Variants in RNF180 observed in about 807,000 individuals in gnomAD.
RNF180 encodes E3 ubiquitin-protein ligase RNF180.
Under a neutral mutation model 59.2 loss-of-function variants are expected in RNF180, and 38 were observed. That is an observed-to-expected ratio of 0.64 (90% CI 0.50 to 0.84). The LOEUF is 0.84. Among genes scored for constraint, RNF180 ranks in the 40% least tolerant of loss-of-function variants. The pLI, the probability that RNF180 is intolerant of heterozygous loss-of-function variation, is 0.00. For synonymous variants in RNF180, 262 were observed against 240.3 expected (o/e 1.09, Z -0.84); for missense variants, 705 against 700.9 (o/e 1.01, Z -0.07).
chr5:64,185,484 A>G (rs1397001941), intron 1 of RNF180, among the ~76,000 whole-genome samples: 1 of 152,238 alleles, frequency 6.6e-6, no homozygotes, highest in Non-Finnish European at 1.5e-5. Flanking sequence ...TGATTCAACC[A>G]GAAGCATATG....
chr5:64,177,329 C>T (rs1281882656), intron 1 of RNF180, among the ~76,000 whole-genome samples: 1 of 151,612 alleles, frequency 6.6e-6, no homozygotes, highest in Non-Finnish European at 1.5e-5. Flanking sequence ...TATTTAAATC[C>T]CCTCTATACT....
chr5:64,253,653 C>A (rs1363289456), intron 5 of RNF180, among the ~76,000 whole-genome samples: 1 of 152,034 alleles, frequency 6.6e-6, no homozygotes, highest in Non-Finnish European at 1.5e-5. Context: ...GTTTTATGCA[C>A]AGGCAAAACT....
chr5:64,368,630 C>T lies in RNF180; in HGVS notation c.1580-985C>T, dbSNP rs190730649. ...AATTTACAAGAAAAAAACAAACAAC[C>T]CCATCAAAAATGGGCAAAGGATATG... On this transcript the variant is annotated intron_variant, in intron 7 of 7. Transcript: ENST00000389100. 3.4e-3 allele frequency among the ~76,000 whole-genome samples: 512 copies of T among 152,028 alleles called. 6 individuals carry two copies. Among genetic ancestry groups the T allele is most frequent in the African/African-American group, 0.012 (489 of 41,510 alleles).
Position 64,273,037 on chromosome 5 carries a change from T to C in RNF180, c.1228-52149T>C, listed in dbSNP as rs192761096. On this transcript the variant is annotated intron_variant, in intron 5 of 7. Coordinates refer to ENST00000389100, the MANE Select transcript of RNF180 (RefSeq NM_001113561.2). ...TGACAGAAGCTGTAGGTCCATTGCC[T>C]AGGGTAAAGAAGCCAGCCAAAACCC... Among the ~76,000 whole-genome samples the C allele has an allele frequency of 2.0e-4, 30 of 151,964 alleles. No individual in the cohort carries two copies. The East Asian group carries it at 4.1e-3, about 21-fold the overall frequency.
At chr5:64,288,993 C>T (rs929726334) in intron 5 of RNF180, among the ~76,000 whole-genome samples, 4 of 152,122 alleles carry the variant, frequency 2.6e-5, no homozygotes, top group Admixed American at 2.0e-4. Context: ...ATGCTTCCAG[C>T]TTTTGCCCAT....
chr5:64,254,718 A>G (rs770972603), intron 5 of RNF180, among the ~76,000 whole-genome samples: 2 of 152,196 alleles, frequency 1.3e-5, no homozygotes, highest in Non-Finnish European at 2.9e-5. Context: ...ATTATAGAGT[A>G]GGCGAAGCTT....
chr5:64,192,925 AT>A (rs2112012986), intron 1 of RNF180, among the ~76,000 whole-genome samples: 1 of 141,200 alleles, frequency 7.1e-6, no homozygotes, highest in African/African-American at 2.7e-5. Flanking sequence ...ATATATATAT[AT>A]ATATATATAT....
chr5:64,259,769 A>G (rs763603563), intron 5 of RNF180, among the ~76,000 whole-genome samples: 1 of 152,056 alleles, frequency 6.6e-6, no homozygotes, highest in Non-Finnish European at 1.5e-5. Context: ...CTAAAATACA[A>G]AATTAGCCGG....
chr5:64,238,797 G>A lies in RNF180; in HGVS notation c.1227+21401G>A, dbSNP rs551072947. Among the ~76,000 whole-genome samples, 28 of 152,228 alleles carry A rather than the reference G, an allele frequency of 1.8e-4. No homozygotes were observed. In the South Asian group the frequency reaches 5.4e-3, roughly 29 times the overall value. On this transcript the variant is annotated intron_variant, in intron 5 of 7. Coordinates refer to ENST00000389100, the MANE Select transcript of RNF180 (RefSeq NM_001113561.2). Reference sequence around the variant, plus strand: ...TTTCTATAGATTACCTTTACACGCTGTTGATTGTTTTCTTTGCCGTATAGA... The same window carrying A: ...TTTCTATAGATTACCTTTACACGCTATTGATTGTTTTCTTTGCCGTATAGA...
At chr5:64,173,757 C>T (rs541328765) in intron 1 of RNF180, among the ~76,000 whole-genome samples, 1 of 151,452 alleles carries the variant, frequency 6.6e-6, no homozygotes, top group Admixed American at 6.6e-5. Flanking sequence ...ATTCTGTCAC[C>T]CAGGCTTGAG....
chr5:64,317,580 A>T (rs1390015149), intron 5 of RNF180, among the ~76,000 whole-genome samples: 1 of 144,440 alleles, frequency 6.9e-6, no homozygotes, highest in Non-Finnish European at 1.5e-5. Context: ...ATATATACAC[A>T]TATATATACA....
At chr5:64,319,545 A>G (rs1187778583) in intron 5 of RNF180, among the ~76,000 whole-genome samples, 2 of 152,236 alleles carry the variant, frequency 1.3e-5, no homozygotes, top group Non-Finnish European at 2.9e-5. Flanking sequence ...TGCCTTTTCT[A>G]TAAACTTGAA....
chr5:64,294,510 CT>C (rs1013189572), intron 5 of RNF180, among the ~76,000 whole-genome samples: 4 of 152,234 alleles, frequency 2.6e-5, no homozygotes, highest in South Asian at 4.1e-4. Flanking sequence ...CCATGTATTA[CT>C]TTTTTTGTAA....
intron 7 of RNF180, among the ~76,000 whole-genome samples, chr5:64,355,791 T>C (rs532315519): frequency 6.6e-6 from 1 of 152,054 alleles, no homozygotes; most frequent in South Asian, 2.1e-4. Flanking sequence ...TCCATTCATC[T>C]GGGAAAGAAT....
intron 5 of RNF180, among the ~76,000 whole-genome samples, chr5:64,255,943 A>T (rs967744988): frequency 1.2e-4 from 18 of 152,178 alleles, no homozygotes; most frequent in Non-Finnish European, 2.2e-4. Flanking sequence ...CATTTCTCTG[A>T]TGGCCAGTGA....
intron 5 of RNF180, among the ~76,000 whole-genome samples, chr5:64,224,051 A>G (rs1201354332): frequency 6.8e-6 from 1 of 147,618 alleles, no homozygotes; most frequent in Non-Finnish European, 1.5e-5. Context: ...TCTTCAGTTG[A>G]TCTAGGTTGG....
chr5:64,308,254 C>T (rs1304933084), intron 5 of RNF180, among the ~76,000 whole-genome samples: 2 of 151,692 alleles, frequency 1.3e-5, no homozygotes, highest in African/African-American at 4.8e-5. Context: ...TTATTTGTAA[C>T]TCCAAAATCA....
At chr5:64,169,260 C>T (rs1749812612) in intron 1 of RNF180, among the ~76,000 whole-genome samples, 1 of 152,182 alleles carries the variant, frequency 6.6e-6, no homozygotes, top group Admixed American at 6.5e-5. Flanking sequence ...TTTAACAATT[C>T]TGTCCTTTCA....
intron 5 of RNF180, among the ~76,000 whole-genome samples, chr5:64,306,841 G>A (rs1472230169): frequency 2.6e-5 from 4 of 151,292 alleles, no homozygotes; most frequent in Admixed American, 2.6e-4. Flanking sequence ...GGGGGAGGAG[G>A]GAGGGATAGC....
Sources: allele counts gnomAD v4.1 joint callset (sites outside exome capture counted in the v4.1 genomes callset), GRCh38; gene constraint gnomAD v4.1.1; transcripts MANE v1.5; gene names NCBI Gene and HGNC (gene_info 2026-07-23, HGNC 2026-07-21).